Variants in PRKCZ observed in about 807,000 individuals in gnomAD.
PRKCZ encodes protein kinase C zeta.
In PRKCZ, 33 loss-of-function variants were observed where a neutral mutation model predicts 79.5. The ratio of observed to expected loss-of-function variants is 0.41; its 90% CI spans 0.31 to 0.55. The LOEUF (loss-of-function observed/expected upper bound fraction) is 0.55, where lower values mean the gene tolerates loss of function less well. Ranked by LOEUF, PRKCZ falls within the 20% of genes least tolerant of loss-of-function variation. The probability of loss-of-function intolerance (pLI) is 0.19; values close to 1 mark genes in which losing one functional copy is unlikely to be tolerated. For missense variants in PRKCZ, 578 were observed against 813.5 expected (o/e 0.71, Z 3.52); for synonymous variants, 342 against 320.9 (o/e 1.07, Z -0.70).
intron 16 of PRKCZ, among the ~76,000 whole-genome samples, chr1:2,179,088 G>T (rs763240064): frequency 6.6e-6 from 1 of 152,240 alleles, no homozygotes; most frequent in Non-Finnish European, 1.5e-5. Flanking sequence ...GGCAGTGTGT[G>T]TGCAGAGGGC....
intron 10 of PRKCZ, among the ~76,000 whole-genome samples, chr1:2,166,631 C>T (rs1488424245): frequency 6.6e-6 from 1 of 151,840 alleles, no homozygotes; most frequent in Non-Finnish European, 1.5e-5. Context: ...CCCCAGGCCA[C>T]GACATGGCGA....
intron 10 of PRKCZ, among the ~76,000 whole-genome samples, chr1:2,164,178 A>G (rs1240173653): frequency 1.3e-5 from 2 of 152,190 alleles, no homozygotes; most frequent in African/African-American, 4.8e-5. Flanking sequence ...TAGAATCTTC[A>G]GGACACAGAG....
chr1:2,122,814 G>A (rs1157960184), intron 4 of PRKCZ, among the ~76,000 whole-genome samples: 5 of 13,696 alleles, frequency 3.7e-4, no homozygotes, highest in African/African-American at 1.5e-3. Flanking sequence ...GGGTCGTGGC[G>A]GTGGTTAGGG....
chr1:2,142,190 C>G (rs1396537405), intron 5 of PRKCZ: 1 of 267,862 alleles, frequency 3.7e-6, no homozygotes, highest in Non-Finnish European at 6.9e-6. Context: ...CCAGGGTCCA[C>G]ACATCCAGCA....
chr1:2,175,165 G>C, intron 15 of PRKCZ, 59 bp from the exon 16 acceptor site: 2 of 1,462,906 alleles, frequency 1.4e-6, no homozygotes, highest in Non-Finnish European at 1.9e-6. Flanking sequence ...CCAAGGAGAG[G>C]GGGTCATGGG....
intron 9 of PRKCZ, among the ~76,000 whole-genome samples, chr1:2,153,774 G>A (rs559824010): frequency 2.6e-5 from 4 of 152,368 alleles, no homozygotes; most frequent in African/African-American, 9.6e-5. Flanking sequence ...GTTCTGTCTT[G>A]AAATCATCCT....
chr1:2,130,094 C>CG (rs1188800664), intron 4 of PRKCZ, among the ~76,000 whole-genome samples: 1 of 152,032 alleles, frequency 6.6e-6, no homozygotes, highest in Non-Finnish European at 1.5e-5. Flanking sequence ...TTTATAGAGA[C>CG]GGGGTCTCAC....
chr1:2,106,161 C>T (rs983243396), intron 4 of PRKCZ, among the ~76,000 whole-genome samples: 2 of 152,216 alleles, frequency 1.3e-5, no homozygotes, highest in Admixed American at 6.5e-5. Flanking sequence ...TTTGTGGACA[C>T]AAAGCCCCCT....
intron 4 of PRKCZ, among the ~76,000 whole-genome samples, chr1:2,069,367 CA>C (rs1661381869): frequency 6.6e-6 from 1 of 152,046 alleles, no homozygotes. Context: ...GGGTCCTGGG[CA>C]AGGGGGCATG....
intron 4 of PRKCZ, among the ~76,000 whole-genome samples, chr1:2,089,374 G>A (rs565713705): frequency 4.6e-5 from 7 of 152,296 alleles, no homozygotes; most frequent in East Asian, 1.9e-4. Context: ...AGGCAGGGCC[G>A]TCTCTGGTCC....
chr1:2,060,789 G>T (rs1660602291), intron 4 of PRKCZ, among the ~76,000 whole-genome samples: 1 of 152,094 alleles, frequency 6.6e-6, no homozygotes, highest in Admixed American at 6.5e-5. Context: ...GGTGGTTTTG[G>T]CAGCGCAGGG....
intron 4 of PRKCZ, among the ~76,000 whole-genome samples, chr1:2,077,402 C>T (rs928668911): frequency 2.0e-5 from 3 of 152,154 alleles, no homozygotes; most frequent in Non-Finnish European, 2.9e-5. Context: ...GCAGCTCAGC[C>T]GCATCGTGGG....
At chr1:2,137,387 G>A (rs1174837063) in intron 5 of PRKCZ, among the ~76,000 whole-genome samples, 4 of 152,140 alleles carry the variant, frequency 2.6e-5, no homozygotes, top group South Asian at 2.1e-4. Flanking sequence ...TCAGGGCAGC[G>A]CCCTCATAGA....
intron 5 of PRKCZ, chr1:2,141,054 C>T (rs751411855): frequency 5.3e-5 from 8 of 152,216 alleles, no homozygotes; most frequent in African/African-American, 1.9e-4. Flanking sequence ...CTATGAATTC[C>T]TCTGAGTTTC....
chr1:2,150,749 A>AC (rs1557684943), intron 8 of PRKCZ, 41 bp from the exon 9 acceptor site: 3 of 1,579,146 alleles, frequency 1.9e-6, no homozygotes, highest in East Asian at 2.2e-5. Context: ...TCTCCCGGGA[A>AC]CCCCCCTCTC....
At chr1:2,123,390 TGGC>T (rs1406148708) in intron 4 of PRKCZ, among the ~76,000 whole-genome samples, 1 of 7,478 alleles carries the variant, frequency 1.3e-4, no homozygotes, top group Non-Finnish European at 2.0e-4. Flanking sequence ...GTTAGGGTCG[TGGC>T]GGTGGTTAGG....
chr1:2,137,589 C>T (rs968621581), intron 5 of PRKCZ, among the ~76,000 whole-genome samples: 5 of 100,670 alleles, frequency 5.0e-5, no homozygotes, highest in Non-Finnish European at 1.0e-4. Context: ...CACATGGCCT[C>T]CTCTGTATCT....
rs535656406 is a variant in PRKCZ, at chr1:2,104,934, C to G, written c.335-30328C>G. 4.1e-6 allele frequency: 4 copies of G among 985,244 alleles called. No individual in the cohort carries two copies. In the African/African-American group the frequency reaches 7.0e-5, roughly 17 times the overall value. The allele number at this position is 985,244 out of a possible 1,614,324, so 61.0% of individuals were successfully genotyped here. On this transcript the variant is annotated intron_variant, in intron 4 of 17. Coordinates refer to ENST00000378567, the MANE Select transcript of PRKCZ (RefSeq NM_002744.6). ...ATTCTTCACACCTCATTACACAGCA[C>G]CCAGGCCTTTTATTCAGGAGGGCGC...
intron 4 of PRKCZ, among the ~76,000 whole-genome samples, chr1:2,123,100 C>T (rs866529869): frequency 0.013 from 57 of 4,262 alleles, 19 homozygotes; most frequent in African/African-American, 0.08. Flanking sequence ...GTTAGGGTCA[C>T]GGTGGTGGTT....
Sources: gnomAD v4.1 joint callset for allele counts (sites outside exome capture counted in the v4.1 genomes callset) on GRCh38, gnomAD v4.1.1 for gene constraint, MANE v1.5 for transcripts, NCBI Gene and HGNC (gene_info 2026-07-23, HGNC 2026-07-21) for gene names.